ANKS1B: variants seen among roughly 807,000 people sequenced by gnomAD.
ANKS1B encodes ankyrin repeat and sterile alpha motif domain-containing protein 1B.
Under a neutral mutation model 148.3 loss-of-function variants are expected in ANKS1B, and 36 were observed. The observed-to-expected ratio is 0.24, with a 90% CI of 0.19 to 0.32. The LOEUF is 0.32. Among genes scored for constraint, ANKS1B ranks in the 10% least tolerant of loss-of-function variants. The probability of loss-of-function intolerance (pLI) is 1.00; values close to 1 mark genes in which losing one functional copy is unlikely to be tolerated. For synonymous variants in ANKS1B, 542 were observed against 560.8 expected (o/e 0.97, Z 0.47); for missense variants, 1,157 against 1,542.6 (o/e 0.75, Z 4.19).
chr12:98,882,344 A>G (rs989330887), intron 17 of ANKS1B, among the ~76,000 whole-genome samples: 3 of 152,216 alleles, frequency 2.0e-5, no homozygotes, highest in Non-Finnish European at 4.4e-5. Flanking sequence ...TCAAACTTTT[A>G]TAACATTTAC....
chr12:99,148,555 C>T (rs897078060), intron 15 of ANKS1B, among the ~76,000 whole-genome samples: 15 of 152,112 alleles, frequency 9.9e-5, no homozygotes, highest in East Asian at 3.9e-4. Flanking sequence ...GCTCTGCCAG[C>T]GCCAATATTG....
intron 1 of ANKS1B, among the ~76,000 whole-genome samples, chr12:99,884,842 T>A (rs2092734797): frequency 6.6e-6 from 1 of 152,168 alleles, no homozygotes; most frequent in East Asian, 1.9e-4. Flanking sequence ...ATTACATATT[T>A]GTCCAAACTC....
intron 15 of ANKS1B, among the ~76,000 whole-genome samples, chr12:99,146,370 G>A (rs570533489): frequency 1.2e-4 from 19 of 152,236 alleles, no homozygotes; most frequent in South Asian, 2.1e-4. Context: ...CCAGCCAGAC[G>A]GCAGGATAGT....
Position 99,907,995 on chromosome 12 carries a change from T to A in ANKS1B, c.134+76109A>T, listed in dbSNP as rs117478575. ...TAGTGGTGTGGTTAAAAGCTATGGTTCCTTTGAAGCTCAAATTAAGAAGAA... is the reference window on the plus strand; with the variant it reads ...TAGTGGTGTGGTTAAAAGCTATGGTACCTTTGAAGCTCAAATTAAGAAGAA... On this transcript the variant is annotated intron_variant, in intron 1 of 26. Transcript: ENST00000683438. Among the ~76,000 whole-genome samples, 286 of 152,266 alleles carry A rather than the reference T, an allele frequency of 1.9e-3. 1 individual carries two copies. The highest frequency in any genetic ancestry group is 3.3e-3 in the Non-Finnish European group (222 of 68,028).
At chr12:99,729,288 T>C (rs1049196645) in intron 8 of ANKS1B, among the ~76,000 whole-genome samples, 1 of 152,206 alleles carries the variant, frequency 6.6e-6, no homozygotes, top group African/African-American at 2.4e-5. Flanking sequence ...GTCACAAAGC[T>C]AGTGGTAAGA....
At chr12:98,837,973 CTAAA>C (rs1246692075) in intron 17 of ANKS1B, among the ~76,000 whole-genome samples, 15 of 152,198 alleles carry the variant, frequency 9.9e-5, no homozygotes, top group Non-Finnish European at 2.9e-5. Context: ...CAAACTATAT[CTAAA>C]TAGATATATT....
At chr12:98,785,584 G>C (rs770539852) in intron 22 of ANKS1B, among the ~76,000 whole-genome samples, 13 of 152,194 alleles carry the variant, frequency 8.5e-5, no homozygotes, top group Non-Finnish European at 1.5e-4. Flanking sequence ...TTTCATGAAG[G>C]CTTTACAGGC....
chr12:99,808,291 T>G (rs2067893631), intron 3 of ANKS1B, among the ~76,000 whole-genome samples: 1 of 152,050 alleles, frequency 6.6e-6, no homozygotes. Context: ...GATAGAAGAA[T>G]GCAAGTAAGT....
intron 4 of ANKS1B, among the ~76,000 whole-genome samples, chr12:99,805,790 T>C (rs111932826): frequency 6.6e-6 from 1 of 152,246 alleles, no homozygotes; most frequent in East Asian, 1.9e-4. Context: ...CTGAGTGTCC[T>C]TAGGCATAGT....
In ANKS1B at chr12:99,717,413, G is replaced by A. The variant is rs1025444357; in HGVS notation, c.1128+55509C>T. On this transcript the variant is annotated intron_variant, in intron 8 of 26. Transcript: ENST00000683438. ...ACAAGAACTTCCAAACGCCTAAACC[G>A]CAGTGGCCAGGTGTTCCTCCAGGCC... is the stretch of plus-strand genomic sequence containing the variant. 8.5e-5 allele frequency among the ~76,000 whole-genome samples: 13 copies of A among 152,114 alleles called. 1 individual carries two copies. Among genetic ancestry groups the A allele is most frequent in the Admixed American group, 3.3e-4 (5 of 15,282 alleles).
intron 10 of ANKS1B, among the ~76,000 whole-genome samples, chr12:99,457,398 C>T (rs889045282): frequency 1.3e-5 from 2 of 151,504 alleles, no homozygotes; most frequent in African/African-American, 4.9e-5. Flanking sequence ...CAACAAATAG[C>T]ATGATAAACA....
At chr12:99,092,129 G>C (rs1348855160) in intron 15 of ANKS1B, among the ~76,000 whole-genome samples, 1 of 104,138 alleles carries the variant, frequency 9.6e-6, no homozygotes, top group East Asian at 4.5e-4. Flanking sequence ...AGGCTTGGCA[G>C]GGACCTGGGG....
chr12:99,319,272 G>T (rs562887616), intron 12 of ANKS1B, among the ~76,000 whole-genome samples: 3 of 151,938 alleles, frequency 2.0e-5, no homozygotes, highest in Admixed American at 1.3e-4. Flanking sequence ...TGACAGTGGG[G>T]GGTTGTCTCC....
chr12:99,799,590 G>A (rs962105877), intron 4 of ANKS1B, among the ~76,000 whole-genome samples: 1 of 152,144 alleles, frequency 6.6e-6, no homozygotes, highest in African/African-American at 2.4e-5. Flanking sequence ...GAAGTCAGGA[G>A]GGGCTAGGGT....
At chr12:98,757,455 G>T (rs1011373601) in intron 25 of ANKS1B, among the ~76,000 whole-genome samples, 1 of 152,254 alleles carries the variant, frequency 6.6e-6, no homozygotes, top group African/African-American at 2.4e-5. Flanking sequence ...TGCTGCAGAA[G>T]GCTGGTTGGA....
At chr12:99,347,756 T>C (rs1377091351) in intron 12 of ANKS1B, among the ~76,000 whole-genome samples, 2 of 151,870 alleles carry the variant, frequency 1.3e-5, no homozygotes, top group African/African-American at 4.8e-5. Context: ...TTCCAGTTAC[T>C]ATAATATTTA....
intron 19 of ANKS1B, among the ~76,000 whole-genome samples, chr12:98,828,509 G>A (rs958703022): frequency 6.6e-6 from 1 of 152,300 alleles, no homozygotes; most frequent in South Asian, 2.1e-4. Flanking sequence ...GGTGAAATGC[G>A]GAGCTACCCG....
intron 4 of ANKS1B, among the ~76,000 whole-genome samples, 172 bp from the exon 5 acceptor site, chr12:99,782,269 G>T (rs2064418079): frequency 1.3e-5 from 2 of 152,202 alleles, no homozygotes; most frequent in African/African-American, 2.4e-5. Context: ...AAATCCATCG[G>T]CTTGGGGATT....
chr12:99,870,113 T>A (rs1174866667), intron 1 of ANKS1B, among the ~76,000 whole-genome samples: 1 of 152,136 alleles, frequency 6.6e-6, no homozygotes, highest in Non-Finnish European at 1.5e-5. Context: ...TTTCTAGTAG[T>A]CCCCAGTTTC....
Sources: allele counts gnomAD v4.1 joint callset (sites outside exome capture counted in the v4.1 genomes callset), GRCh38; gene constraint gnomAD v4.1.1; transcripts MANE v1.5; gene names NCBI Gene and HGNC (gene_info 2026-07-23, HGNC 2026-07-21).